The following SCAF4 variants were observed in gnomAD, a reference collection of about 807,000 sequenced individuals.
SCAF4 encodes SR-related CTD associated factor 4.
Under a neutral mutation model 129.8 loss-of-function variants are expected in SCAF4, and 25 were observed. The ratio of observed to expected loss-of-function variants is 0.19; its 90% CI spans 0.14 to 0.27. The LOEUF (loss-of-function observed/expected upper bound fraction) is 0.27. Ranked by LOEUF, SCAF4 falls within the 10% of genes least tolerant of loss-of-function variation. The pLI is 1.00. For missense variants in SCAF4, 1,246 were observed against 1,457.1 expected (o/e 0.86, Z 2.36); for synonymous variants, 551 against 497.7 (o/e 1.11, Z -1.43).
chr21:31,671,253 G>C lies in SCAF4; in HGVS notation c.*146C>G. On this transcript the variant is annotated 3_prime_UTR_variant, in exon 20 of 20. Transcript: ENST00000286835. ...GTTATTTTGTGGCTATTTTTAAATA[G>C]AAGGGAAGCAATCAAATTGCTTACA... 1 of 715,642 alleles carries C rather than the reference G, an allele frequency of 1.4e-6. No individual in the cohort carries two copies. The allele number at this position is 715,642 out of a possible 1,614,324, so 44.3% of individuals were successfully genotyped here.
intron 19 of SCAF4, among the ~76,000 whole-genome samples, chr21:31,673,504 C>A (rs912636893): frequency 7.5e-6 from 1 of 133,120 alleles, no homozygotes; most frequent in African/African-American, 3.2e-5. Context: ...GCAAAAGCGC[C>A]AGAAATTGTG....
intron 1 of SCAF4, among the ~76,000 whole-genome samples, chr21:31,725,777 G>A (rs2051187140): frequency 1.3e-5 from 2 of 152,114 alleles, no homozygotes; most frequent in African/African-American, 4.8e-5. Context: ...CAGACTGAAT[G>A]AAAAAGTGGA....
Position 31,731,724 on chromosome 21 carries a change from C to T in SCAF4, c.-32G>A, listed in dbSNP as rs2051365969. The T allele has an allele frequency of 1.3e-6, 2 of 1,571,816 alleles. No individual in the cohort carries two copies. Among genetic ancestry groups the T allele is most frequent in the East Asian group, 5.0e-5 (2 of 40,210 alleles). On this transcript the variant is annotated 5_prime_UTR_variant, in exon 1 of 20. Transcript: ENST00000286835. The stretch of plus-strand genomic sequence containing the variant: ...GCTGCGGCGGCGGCTGCTCCGGGCC[C>T]GCCGGTCACATAGACCTCGCGCCGC...
chr21:31,722,924 G>C (rs968468211), intron 1 of SCAF4, among the ~76,000 whole-genome samples: 5 of 152,168 alleles, frequency 3.3e-5, no homozygotes, highest in South Asian at 4.1e-4. Flanking sequence ...CTGTACTCCA[G>C]CCTGGGTGAC....
At chr21:31,703,175 T>A (rs1197280023) in intron 4 of SCAF4, among the ~76,000 whole-genome samples, 5 of 145,330 alleles carry the variant, frequency 3.4e-5, no homozygotes, top group Non-Finnish European at 5.9e-5. Context: ...TTATTGGCTC[T>A]TTCTTTCTGG....
intron 1 of SCAF4, chr21:31,706,942 T>C: frequency 3.2e-6 from 1 of 308,196 alleles, no homozygotes; most frequent in Non-Finnish European, 6.2e-6. Context: ...TATCAACTAT[T>C]TTGTAAATGC....
intron 1 of SCAF4, among the ~76,000 whole-genome samples, chr21:31,728,256 T>G (rs1198322676): frequency 6.6e-6 from 1 of 152,194 alleles, no homozygotes; most frequent in Non-Finnish European, 1.5e-5. Context: ...CAAACAAACG[T>G]ACTGCCTATC....
intron 7 of SCAF4, 31 bp downstream of exon 7, chr21:31,700,964 T>C (rs1250367104): frequency 6.2e-7 from 1 of 1,602,298 alleles, no homozygotes; most frequent in Non-Finnish European, 8.6e-7. Context: ...GTGATATAAA[T>C]GGTGGGGTGG....
chr21:31,717,900 TATATACACACACACACAC>T (rs1660542999), intron 1 of SCAF4, among the ~76,000 whole-genome samples: 60 of 78,648 alleles, frequency 7.6e-4, no homozygotes, highest in African/African-American at 2.6e-3. Flanking sequence ...TATATACACA[TATATACACACACACACAC>T]ACACACACAC....
rs558663424 is a variant in SCAF4 at position 31,717,517 on chromosome 21, G to A, written c.31-11160C>T. Among the ~76,000 whole-genome samples, 56 of 152,130 alleles carry A rather than the reference G, an allele frequency of 3.7e-4. No individual in the cohort carries two copies. In the Middle Eastern group the frequency reaches 0.014, roughly 37 times the overall value. On this transcript the variant is annotated intron_variant, in intron 1 of 19. Coordinates refer to ENST00000286835, the MANE Select transcript of SCAF4 (RefSeq NM_020706.2). ...AATGAACTTTAATTTGTATCTGTCTGAGATACATCTTTGTTCAACTTTTGA... is the reference window on the plus strand; with the variant it reads ...AATGAACTTTAATTTGTATCTGTCTAAGATACATCTTTGTTCAACTTTTGA...
At position 31,726,677 on chromosome 21, in the gene SCAF4, A is replaced by G. The variant is rs180758782; in HGVS notation, c.30+4986T>C. ...CAGACCCTGTCTCAAAAAACAAATAAATGGGTCTAAAACCAAAAAGTTTGA... is the reference window on the plus strand; with the variant it reads ...CAGACCCTGTCTCAAAAAACAAATAGATGGGTCTAAAACCAAAAAGTTTGA... On this transcript the variant is annotated intron_variant, in intron 1 of 19. Transcript: ENST00000286835. 5.8e-4 allele frequency among the ~76,000 whole-genome samples: 89 copies of G among 152,300 alleles called. 1 individual carries two copies. The highest frequency in any genetic ancestry group is 2.4e-4 in the Non-Finnish European group (16 of 68,028).
intron 3 of SCAF4, among the ~76,000 whole-genome samples, chr21:31,704,266 C>G (rs751136420): frequency 1.3e-5 from 2 of 152,012 alleles, no homozygotes; most frequent in Non-Finnish European, 2.9e-5. Flanking sequence ...ATTCACCCTG[C>G]TCAAAAAGGT....
At chr21:31,687,925 T>C (rs1456360798) in intron 16 of SCAF4, among the ~76,000 whole-genome samples, 5 of 151,792 alleles carry the variant, frequency 3.3e-5, no homozygotes, top group African/African-American at 7.3e-5. Flanking sequence ...CTGGCCAGCA[T>C]GGTGAAGCCC....
In SCAF4 at chr21:31,685,068, G is replaced by C. The variant is rs202219603; in HGVS notation, c.2469C>G (p.Thr823=). 338 of 1,611,042 alleles carry C rather than the reference G, an allele frequency of 2.1e-4. No homozygotes were observed. Among genetic ancestry groups the C allele is most frequent in the Middle Eastern group, 3.9e-4 (2 of 5,186 alleles). Residue 823 remains threonine (T), a synonymous_variant, in exon 19 of 20, where the codon ACC becomes ACG. Transcript: ENST00000286835. ...ACTTACCAAGAAGTGAAACAGGCTG[G>C]GTTACAGGAGGGGTGGGCAGATTCG... is the stretch of plus-strand genomic sequence containing the variant. ...APTNLPTPPV[T]QPVSLLGTQG... is the part of the protein sequence containing the mutation.
intron 1 of SCAF4, among the ~76,000 whole-genome samples, chr21:31,713,756 T>TG (rs376619988): frequency 0.43 from 41,350 of 96,574 alleles, 6,118 homozygotes; most frequent in East Asian, 0.54. Context: ...GGGGGTGGGG[T>TG]GGGGGGGGCA....
At chr21:31,721,766 G>C (rs1257909472) in intron 1 of SCAF4, among the ~76,000 whole-genome samples, 1 of 112,106 alleles carries the variant, frequency 8.9e-6, no homozygotes, top group African/African-American at 3.5e-5. Context: ...TCGCTCTGTT[G>C]CCCGGGCTGG....
chr21:31,679,410 A>G (rs1487480539), intron 19 of SCAF4, among the ~76,000 whole-genome samples: 2 of 152,090 alleles, frequency 1.3e-5, no homozygotes, highest in Non-Finnish European at 2.9e-5. Flanking sequence ...TAACAGTACA[A>G]CCAACATGTT....
In SCAF4 at chr21:31,731,843, C is replaced by T. The variant is rs1283102592; in HGVS notation, c.-151G>A. 1.1e-6 allele frequency: 1 copy of T among 871,138 alleles called. No homozygotes were observed. Among genetic ancestry groups the T allele is most frequent in the Non-Finnish European group, 1.6e-6 (1 of 623,342 alleles). 54.0% of individuals were successfully genotyped at this position (871,138 alleles called of 1,614,324 possible). A position where few individuals can be genotyped will look rare whatever the true frequency, so the allele number is the denominator to read the frequency against. ...GGCCCGGGCAGGAAGAGGCTGCGCC[C>T]GAAGCGGCGAGGCGGGCGGCCGAGG... On this transcript the variant is annotated 5_prime_UTR_variant, in exon 1 of 20. Transcript: ENST00000286835.
chr21:31,721,725 C>CTTTTTTTTT (rs1030749806), intron 1 of SCAF4, among the ~76,000 whole-genome samples: 1 of 125,452 alleles, frequency 8.0e-6, no homozygotes, highest in Non-Finnish European at 1.7e-5. Flanking sequence ...AAGAGCAATT[C>CTTTTTTTTT]TTTTTTTTTT....
Sources: allele counts gnomAD v4.1 joint callset (sites outside exome capture counted in the v4.1 genomes callset), GRCh38; gene constraint gnomAD v4.1.1; transcripts MANE v1.5; gene names NCBI Gene and HGNC (gene_info 2026-07-23, HGNC 2026-07-21).